MIAT: variants seen among roughly 807,000 people sequenced by gnomAD.
The protein encoded by MIAT is myocardial infarction associated transcript.
downstream of MIAT, chr22:26,673,233 A>T: frequency 2.5e-6 from 1 of 398,764 alleles, no homozygotes; most frequent in Non-Finnish European, 4.4e-6. Flanking sequence ...CACGGACGTC[A>T]CTGCCTCAGC....
At chr22:26,657,767 G>T (rs1930515673) in intron 2 of MIAT, 3 of 398,116 alleles carry the variant, frequency 7.5e-6, no homozygotes, top group Non-Finnish European at 1.3e-5. Context: ...GAGTCCCAGG[G>T]CTGGGTTCAG....
chr22:26,673,622 A>G, downstream of MIAT: 1 of 398,810 alleles, frequency 2.5e-6, no homozygotes, highest in Non-Finnish European at 4.4e-6. Context: ...GGATGTCGGC[A>G]TGGCTGGGAA....
chr22:26,676,074 G>A (rs900858712), exon 5 of MIAT: 12 of 398,514 alleles, frequency 3.0e-5, no homozygotes, highest in African/African-American at 1.6e-4. Flanking sequence ...GGATCTTAGA[G>A]CTGAGGAATT....
downstream of MIAT, chr22:26,673,319 G>A (rs926674649): frequency 4.8e-5 from 19 of 398,688 alleles, no homozygotes; most frequent in African/African-American, 3.1e-4. Flanking sequence ...CCTCCAGTAG[G>A]CACCTTGGTT....
At position 26,653,284 on chromosome 22, in the gene MIAT, T is replaced by C. The variant is rs1325200820; in HGVS notation, n.646+5973T>C. On this transcript the variant is annotated intron_variant and non_coding_transcript_variant, in intron 2 of 5. Coordinates refer to ENST00000643270, the Ensembl canonical transcript of MIAT. Reference sequence around the variant, plus strand: ...AGGCCACACAGGTATTGGCATCTGCTGAACATGAGGGTCCACTCCTTCCTT... The same window carrying C: ...AGGCCACACAGGTATTGGCATCTGCCGAACATGAGGGTCCACTCCTTCCTT... 3.3e-5 allele frequency among the ~76,000 whole-genome samples: 5 copies of C among 152,360 alleles called. No homozygotes were observed. In the East Asian group the frequency reaches 9.6e-4, roughly 29 times the overall value.
chr22:26,652,748 G>C (rs1418169969), intron 2 of MIAT, among the ~76,000 whole-genome samples: 2 of 152,100 alleles, frequency 1.3e-5, no homozygotes, highest in African/African-American at 2.4e-5. Context: ...TTTCTCCAAG[G>C]GCTGTTCTAG....
chr22:26,660,699 G>A (rs1400745720), intron 2 of MIAT: 1 of 152,058 alleles, frequency 6.6e-6, no homozygotes, highest in Non-Finnish European at 1.5e-5. Flanking sequence ...TCATTTTAAG[G>A]TCCTTTCTCT....
downstream of MIAT, chr22:26,674,564 A>G: frequency 2.5e-6 from 1 of 398,718 alleles, no homozygotes; most frequent in South Asian, 1.3e-4. Flanking sequence ...GCAACTGTGG[A>G]CTCAGAGCTA....
intron 5 of MIAT, chr22:26,667,377 C>A: frequency 2.6e-6 from 1 of 388,882 alleles, no homozygotes; most frequent in Non-Finnish European, 4.5e-6. Context: ...TGTGTGCATG[C>A]CTGTGTGTGT....
chr22:26,675,125 G>T (rs1015158829), exon 5 of MIAT: 5 of 398,720 alleles, frequency 1.3e-5, no homozygotes, highest in African/African-American at 1.0e-4. Flanking sequence ...GCAGGGGGGT[G>T]GAATGGGGAC....
At chr22:26,671,358 CG>C (rs746950248), downstream of MIAT, 4 of 398,812 alleles carry the variant, frequency 1.0e-5, no homozygotes, top group Admixed American at 4.4e-5. Context: ...CTGGTGGGGG[CG>C]GGAGGCCTCT....
Position 26,652,373 on chromosome 22 carries a change from T to C in MIAT, n.646+5062T>C, listed in dbSNP as rs577784619. On this transcript the variant is annotated intron_variant and non_coding_transcript_variant, in intron 2 of 5. Coordinates refer to ENST00000643270, the Ensembl canonical transcript of MIAT. ...ATTTATTCATTCATTTATTTTTTTT[T>C]TGAGACGGAGTCTCACTCTGTCACC... Among the ~76,000 whole-genome samples, 17 of 152,208 alleles carry C rather than the reference T, an allele frequency of 1.1e-4. No individual in the cohort carries two copies. The East Asian group carries it at 2.7e-3, about 24-fold the overall frequency.
intron 2 of MIAT, among the ~76,000 whole-genome samples, chr22:26,660,105 G>C (rs1159679982): frequency 6.6e-6 from 1 of 151,132 alleles, no homozygotes; most frequent in Non-Finnish European, 1.5e-5. Context: ...CAAAATGCTG[G>C]GATTACAGGC....
At chr22:26,659,284 G>C (rs1374374731) in intron 2 of MIAT, among the ~76,000 whole-genome samples, 1 of 152,110 alleles carries the variant, frequency 6.6e-6, no homozygotes, top group Admixed American at 6.6e-5. Context: ...GCTTTGTGTG[G>C]CATTGAATTG....
chr22:26,656,394 G>T, intron 2 of MIAT, among the ~76,000 whole-genome samples: 1 of 149,836 alleles, frequency 6.7e-6, no homozygotes. Flanking sequence ...GCGCGACCTC[G>T]GCTCACTGCA....
chr22:26,658,235 C>T (rs7284198), intron 2 of MIAT: 126,817 of 151,662 alleles, frequency 0.84, 53,085 homozygotes, highest in South Asian at 0.92. Flanking sequence ...GGTAGGTAAC[C>T]CACCCTCGTT....
At chr22:26,653,594 T>C (rs1930375658) in intron 2 of MIAT, among the ~76,000 whole-genome samples, 1 of 152,188 alleles carries the variant, frequency 6.6e-6, no homozygotes, top group Non-Finnish European at 1.5e-5. Flanking sequence ...AAACTAACTC[T>C]GGGATTAAAG....
At chr22:26,666,661 C>A (rs1930853632) in exon 4 of MIAT, 2 of 398,672 alleles carry the variant, frequency 5.0e-6, no homozygotes, top group Non-Finnish European at 8.8e-6. Context: ...TGAAGGGAAC[C>A]TGGGAACCCT....
exon 6 of MIAT, chr22:26,668,642 G>A (rs1930938936): frequency 1.3e-5 from 5 of 399,276 alleles, no homozygotes; most frequent in Non-Finnish European, 2.2e-5. Context: ...GATGGGAGTC[G>A]GGGAGGGGCT....
Sources: allele counts gnomAD v4.1 joint callset (sites outside exome capture counted in the v4.1 genomes callset), GRCh38; gene constraint gnomAD v4.1.1; transcripts MANE v1.5; gene names NCBI Gene and HGNC (gene_info 2026-07-23, HGNC 2026-07-21).